SLC24A3: variants seen among roughly 807,000 people sequenced by gnomAD.
SLC24A3 encodes the protein sodium/potassium/calcium exchanger 3.
Under a neutral mutation model 75.8 loss-of-function variants are expected in SLC24A3, and 28 were observed. The observed-to-expected ratio is 0.37, with a 90% CI of 0.27 to 0.51. The LOEUF (loss-of-function observed/expected upper bound fraction) is 0.51. Ranked by LOEUF, SLC24A3 falls within the 20% of genes least tolerant of loss-of-function variation. The pLI is 0.94. For synonymous variants in SLC24A3, 372 were observed against 334.1 expected, an observed-to-expected ratio of 1.11 and a Z score of -1.24; for missense variants, 663 against 847.8, an observed-to-expected ratio of 0.78 and a Z score of 2.71.
chr20:19,440,081 C>T (rs1987272551), intron 2 of SLC24A3, among the ~76,000 whole-genome samples: 1 of 152,198 alleles, frequency 6.6e-6, no homozygotes, highest in Non-Finnish European at 1.5e-5. Flanking sequence ...TTTGCTGAAA[C>T]ACAGTGATGT....
intron 3 of SLC24A3, among the ~76,000 whole-genome samples, chr20:19,553,498 C>G (rs1054035483): frequency 2.6e-5 from 4 of 152,168 alleles, no homozygotes; most frequent in African/African-American, 4.8e-5. Flanking sequence ...GTGTACACTT[C>G]AAGAGGTCAT....
intron 15 of SLC24A3, among the ~76,000 whole-genome samples, chr20:19,705,226 T>C (rs2032916102): frequency 6.6e-6 from 1 of 152,132 alleles, no homozygotes; most frequent in Non-Finnish European, 1.5e-5. Context: ...ACAGGCATAA[T>C]GGGGGCTGCA....
At chr20:19,376,554 C>T (rs1986086703) in intron 2 of SLC24A3, among the ~76,000 whole-genome samples, 1 of 152,132 alleles carries the variant, frequency 6.6e-6, no homozygotes, top group Non-Finnish European at 1.5e-5. Flanking sequence ...TTTCATTCCC[C>T]AGCATGAGCC....
intron 6 of SLC24A3, among the ~76,000 whole-genome samples, chr20:19,625,956 C>T (rs2031860644): frequency 6.6e-6 from 1 of 152,046 alleles, no homozygotes; most frequent in African/African-American, 2.4e-5. Flanking sequence ...CCTTTCTCCA[C>T]CTTTATTGAA....
intron 2 of SLC24A3, among the ~76,000 whole-genome samples, chr20:19,475,310 G>A (rs1987944793): frequency 6.6e-6 from 1 of 151,338 alleles, no homozygotes; most frequent in Admixed American, 6.6e-5. Context: ...CTACACTCCA[G>A]CCTGGGCAAC....
intron 2 of SLC24A3, among the ~76,000 whole-genome samples, chr20:19,506,336 TCA>T (rs1306027410): frequency 1.3e-5 from 2 of 152,240 alleles, no homozygotes; most frequent in Non-Finnish European, 2.9e-5. Context: ...GCATCTTCCT[TCA>T]CAGAGATGCT....
chr20:19,285,475 C>T (rs1983788813), intron 2 of SLC24A3, among the ~76,000 whole-genome samples: 1 of 45,218 alleles, frequency 2.2e-5, no homozygotes, highest in African/African-American at 7.8e-5. Flanking sequence ...GAGACCCTGT[C>T]TCAAAAAAAA....
intron 2 of SLC24A3, among the ~76,000 whole-genome samples, chr20:19,482,506 C>G (rs1462802647): frequency 6.6e-6 from 1 of 152,220 alleles, no homozygotes; most frequent in Admixed American, 6.5e-5. Flanking sequence ...CAAGTTGAAA[C>G]TTTGCATTCA....
At chr20:19,565,101 G>A (rs984791773) in intron 3 of SLC24A3, among the ~76,000 whole-genome samples, 2 of 152,182 alleles carry the variant, frequency 1.3e-5, no homozygotes, top group Admixed American at 6.6e-5. Context: ...CAACACACCC[G>A]GCTTCCATCC....
At chr20:19,348,068 C>T (rs1375642328) in intron 2 of SLC24A3, among the ~76,000 whole-genome samples, 3 of 152,292 alleles carry the variant, frequency 2.0e-5, no homozygotes, top group Non-Finnish European at 2.9e-5. Flanking sequence ...GGCTGCCAGC[C>T]GATGACAGGC....
chr20:19,258,163 C>T (rs1456750010), intron 1 of SLC24A3, among the ~76,000 whole-genome samples: 2 of 152,198 alleles, frequency 1.3e-5, no homozygotes, highest in African/African-American at 4.8e-5. Flanking sequence ...ATAGAAGCAC[C>T]GCCATCCTGG....
intron 2 of SLC24A3, among the ~76,000 whole-genome samples, chr20:19,404,027 G>T (rs200500894): frequency 6.6e-6 from 1 of 152,192 alleles, no homozygotes; most frequent in Admixed American, 6.5e-5. Flanking sequence ...TGAAGGTCAC[G>T]TATCTTGATA....
At chr20:19,572,100 G>T (rs926928690) in intron 3 of SLC24A3, among the ~76,000 whole-genome samples, 1 of 152,178 alleles carries the variant, frequency 6.6e-6, no homozygotes, top group African/African-American at 2.4e-5. Flanking sequence ...AACTCAGAAG[G>T]CTGAGAGGGG....
chr20:19,631,133 C>T (rs6035394), intron 6 of SLC24A3, among the ~76,000 whole-genome samples: 11,092 of 152,038 alleles, frequency 0.073, 949 homozygotes, highest in African/African-American at 0.21. Context: ...CACTTGAGCC[C>T]AGGAGTTCGA....
intron 6 of SLC24A3, among the ~76,000 whole-genome samples, chr20:19,648,674 G>C (rs2032166357): frequency 6.6e-6 from 1 of 151,966 alleles, no homozygotes; most frequent in South Asian, 2.1e-4. Flanking sequence ...AAAATATATG[G>C]TTTTATCATA....
chr20:19,687,307 C>G (rs1248107866), intron 12 of SLC24A3, among the ~76,000 whole-genome samples: 3 of 152,164 alleles, frequency 2.0e-5, no homozygotes, highest in African/African-American at 7.2e-5. Flanking sequence ...GCTCTTCCCG[C>G]CATCATTCCT....
intron 2 of SLC24A3, among the ~76,000 whole-genome samples, chr20:19,346,610 A>G (rs149941958): frequency 0.011 from 1,641 of 152,148 alleles, 15 homozygotes; most frequent in Non-Finnish European, 0.016. Context: ...CAAACATCAT[A>G]TGTTCTCACT....
At chr20:19,471,940 A>T (rs1987880488) in intron 2 of SLC24A3, among the ~76,000 whole-genome samples, 1 of 152,242 alleles carries the variant, frequency 6.6e-6, no homozygotes, top group Admixed American at 6.5e-5. Flanking sequence ...TGCATGACAG[A>T]GAGATTATTG....
intron 3 of SLC24A3, among the ~76,000 whole-genome samples, chr20:19,554,579 T>C (rs1037406850): frequency 5.9e-5 from 9 of 152,240 alleles, no homozygotes; most frequent in African/African-American, 2.2e-4. Context: ...TTGCTAATAA[T>C]GTCTGTTTGA....
Sources: gnomAD v4.1 joint callset for allele counts (sites outside exome capture counted in the v4.1 genomes callset) on GRCh38, gnomAD v4.1.1 for gene constraint, MANE v1.5 for transcripts, NCBI Gene and HGNC (gene_info 2026-07-23, HGNC 2026-07-21) for gene names.